Variants in TAOK1 observed in about 807,000 individuals in gnomAD.
TAOK1 encodes serine/threonine-protein kinase TAO1.
TAOK1 carries 21 observed loss-of-function variants against 138.3 expected under a neutral mutation model. The observed-to-expected ratio is 0.15, with a 90% CI of 0.11 to 0.22. The LOEUF (loss-of-function observed/expected upper bound fraction) is 0.22, where lower values mean the gene tolerates loss of function less well. Ranked by LOEUF, TAOK1 falls within the 10% of genes least tolerant of loss-of-function variation. TAOK1 has a pLI of 1.00. For missense variants in TAOK1, 651 were observed against 1,227.7 expected, an observed-to-expected ratio of 0.53 and a Z score of 7.02; for synonymous variants, 361 against 398.4, an observed-to-expected ratio of 0.91 and a Z score of 1.12.
intron 9 of TAOK1, among the ~76,000 whole-genome samples, chr17:29,491,070 T>G (rs2153027590): frequency 6.6e-6 from 1 of 152,278 alleles, no homozygotes; most frequent in Non-Finnish European, 1.5e-5. Context: ...GTAAAAAATA[T>G]ATTGAACACA....
At chr17:29,427,673 T>C (rs1905687150) in intron 1 of TAOK1, among the ~76,000 whole-genome samples, 1 of 151,912 alleles carries the variant, frequency 6.6e-6, no homozygotes, top group African/African-American at 2.4e-5. Context: ...ACGCCTGTAA[T>C]CCCAGCACTT....
intron 18 of TAOK1, chr17:29,530,829 G>T (rs1392653342): frequency 3.4e-6 from 2 of 581,150 alleles, no homozygotes; most frequent in African/African-American, 3.7e-5. Flanking sequence ...TTAGACATGA[G>T]GTTCTAAATA....
In TAOK1 at chr17:29,412,168, G is replaced by A. The variant is rs188466459; in HGVS notation, c.-95+21144G>A. ...AGCGATTCTCCTGCCTCGGCCTCCCGAGTAGCTGGGACTACAGGCATGCGC... is the reference window on the plus strand; with the variant it reads ...AGCGATTCTCCTGCCTCGGCCTCCCAAGTAGCTGGGACTACAGGCATGCGC... On this transcript the variant is annotated intron_variant, in intron 1 of 19. Transcript: ENST00000261716. Among the ~76,000 whole-genome samples the A allele has an allele frequency of 3.9e-5, 6 of 151,946 alleles. No individual in the cohort carries two copies. The East Asian group carries it at 5.8e-4, about 15-fold the overall frequency.
At chr17:29,520,917 G>A (rs35893904) in intron 16 of TAOK1, among the ~76,000 whole-genome samples, 14,990 of 151,722 alleles carry the variant, frequency 0.099, 1,027 homozygotes, top group Non-Finnish European at 0.15. Flanking sequence ...CCAGCTACTC[G>A]GGAGGCTGAG....
intron 8 of TAOK1, 59 bp from the exon 9 acceptor site, chr17:29,489,605 C>A: frequency 1.8e-6 from 2 of 1,100,884 alleles, no homozygotes; most frequent in Non-Finnish European, 1.3e-6. Context: ...GAAAAACGTG[C>A]CCAGGACTTG....
At chr17:29,494,608 C>T (rs1307620030) in intron 10 of TAOK1, among the ~76,000 whole-genome samples, 7 of 152,048 alleles carry the variant, frequency 4.6e-5, no homozygotes, top group Admixed American at 3.9e-4. Context: ...GGGCGGATCA[C>T]GAGGTCAGGA....
chr17:29,518,750 C>CTTTTATTTTATTTATTTA (rs11271070), intron 16 of TAOK1, among the ~76,000 whole-genome samples: 30,353 of 150,326 alleles, frequency 0.2, 3,252 homozygotes, highest in African/African-American at 0.26. Context: ...TTTATTTTTA[C>CTTTTATTTTATTTATTTA]TTTATCTATT....
At chr17:29,514,680 C>T (rs2031781626) in intron 15 of TAOK1, 1 of 151,894 alleles carries the variant, frequency 6.6e-6, no homozygotes. Context: ...AATGCTAATA[C>T]TAGTATATTT....
At position 29,477,693 on chromosome 17, in the gene TAOK1, G is replaced by A. The variant is rs994672387; in HGVS notation, c.339G>A (p.Ser113=). Residue 113 remains serine, a synonymous_variant, in exon 5 of 20, where the codon TCG becomes TCA. Coordinates refer to ENST00000261716, the MANE Select transcript of TAOK1 (RefSeq NM_020791.4). ...TGGAATATTGTTTAGGATCTGCTTC[G>A]GATTTACTAGAAGGTAAGTTCCCTT... ...LVMEYCLGSA[S]DLLEVHKKPL... 8.5e-6 allele frequency: 12 copies of A among 1,407,422 alleles called. No homozygotes were observed. Among genetic ancestry groups the A allele is most frequent in the African/African-American group, 2.9e-5 (2 of 68,480 alleles). 87.2% of individuals were successfully genotyped at this position (1,407,422 alleles called of 1,614,324 possible). A position where few individuals can be genotyped will look rare whatever the true frequency, so the allele number is the denominator to read the frequency against.
intron 8 of TAOK1, among the ~76,000 whole-genome samples, chr17:29,486,163 C>T (rs1421179563): frequency 6.6e-6 from 1 of 151,970 alleles, no homozygotes; most frequent in Non-Finnish European, 1.5e-5. Flanking sequence ...GTGACATGCA[C>T]CTGTAGTCCC....
At chr17:29,399,832 C>T (rs1370970086) in intron 1 of TAOK1, among the ~76,000 whole-genome samples, 1 of 151,968 alleles carries the variant, frequency 6.6e-6, no homozygotes, top group Non-Finnish European at 1.5e-5. Context: ...CTGGACTTAG[C>T]GATCCTCTCA....
chr17:29,390,635 C>G lies in TAOK1; in HGVS notation c.-484C>G, dbSNP rs1297078149. 1 of 151,758 alleles carries G rather than the reference C, an allele frequency of 6.6e-6. No homozygotes were observed. The highest frequency in any genetic ancestry group is 2.4e-5 in the African/African-American group (1 of 41,278). 9.4% of individuals were successfully genotyped at this position (151,758 alleles called of 1,614,324 possible). A position where few individuals can be genotyped will look rare whatever the true frequency, so the allele number is the denominator to read the frequency against. Reference sequence around the variant, plus strand: ...GTGGTGTTGGTGGCGGAGGGCTGCGCGTGGGCCCGCCCGCCGAGGGGCCGC... The same window carrying G: ...GTGGTGTTGGTGGCGGAGGGCTGCGGGTGGGCCCGCCCGCCGAGGGGCCGC... On this transcript the variant is annotated 5_prime_UTR_variant, in exon 1 of 20. Coordinates refer to ENST00000261716, the MANE Select transcript of TAOK1 (RefSeq NM_020791.4).
In TAOK1 at chr17:29,542,748, C is replaced by A; in HGVS notation, c.2732C>A (p.Ser911Ter). ...SHSYPGASGW[S>*]HNPTGGPGPH... ...AGCTACCCGGGAGCTTCTGGTTGGTCACACAACCCTACTGGGGGTCCAGGA... is the reference window on the plus strand; with the variant it reads ...AGCTACCCGGGAGCTTCTGGTTGGTAACACAACCCTACTGGGGGTCCAGGA... The change falls in exon 20 of 20, where the codon TCA (serine) becomes TAA (stop). Residue 911 changes from serine (S) to a stop codon, truncating the protein, a stop_gained. Transcript: ENST00000261716. LOFTEE classifies it high-confidence loss of function. The A allele has an allele frequency of 6.2e-7, 1 of 1,614,232 alleles. No individual in the cohort carries two copies. Among genetic ancestry groups the A allele is most frequent in the South Asian group, 1.1e-5 (1 of 91,082 alleles).
intron 10 of TAOK1, among the ~76,000 whole-genome samples, chr17:29,493,506 A>G (rs2031348384): frequency 6.6e-6 from 1 of 152,060 alleles, no homozygotes; most frequent in Non-Finnish European, 1.5e-5. Context: ...AAAAAAAAAA[A>G]AAGGAAGAAT....
At chr17:29,456,906 T>C (rs1487010909) in intron 2 of TAOK1, among the ~76,000 whole-genome samples, 1 of 148,440 alleles carries the variant, frequency 6.7e-6, no homozygotes, top group Admixed American at 6.6e-5. Flanking sequence ...GCTAATTTTC[T>C]GTATTTTTAA....
At chr17:29,397,199 G>A (rs1020469971) in intron 1 of TAOK1, among the ~76,000 whole-genome samples, 1 of 152,026 alleles carries the variant, frequency 6.6e-6, no homozygotes, top group Non-Finnish European at 1.5e-5. Flanking sequence ...GGAGGCTGAG[G>A]CAGGAGAATC....
At chr17:29,536,901 C>T (rs2032233053) in intron 19 of TAOK1, among the ~76,000 whole-genome samples, 2 of 151,990 alleles carry the variant, frequency 1.3e-5, no homozygotes, top group South Asian at 2.1e-4. Flanking sequence ...AGGGTTTCAC[C>T]GTGTTAGCCA....
chr17:29,550,413 CACTTAAA>C lies in TAOK1; in HGVS notation c.*7398_*7404del, dbSNP rs1598537528. On this transcript the variant is annotated 3_prime_UTR_variant, in exon 20 of 20. Transcript: ENST00000261716. ...GTAAGTCTGCTAAAGTTTTTTAGCC[CACTTAAA>C]ACTTAAGACAACCATTTAAAATAAT... is the stretch of plus-strand genomic sequence containing the variant. The C allele has an allele frequency of 6.6e-6, 1 of 151,844 alleles. No individual in the cohort carries two copies. Among genetic ancestry groups the C allele is most frequent in the Non-Finnish European group, 1.5e-5 (1 of 67,978 alleles). 9.4% of individuals were successfully genotyped at this position (151,844 alleles called of 1,614,324 possible). A position where few individuals can be genotyped will look rare whatever the true frequency, so the allele number is the denominator to read the frequency against.
At chr17:29,455,589 T>G (rs1430615926) in intron 2 of TAOK1, among the ~76,000 whole-genome samples, 1 of 150,488 alleles carries the variant, frequency 6.6e-6, no homozygotes, top group Non-Finnish European at 1.5e-5. Context: ...TACTATTGAG[T>G]ATGGTGTTAG....
Sources: allele counts gnomAD v4.1 joint callset (sites outside exome capture counted in the v4.1 genomes callset), GRCh38; gene constraint gnomAD v4.1.1; transcripts MANE v1.5; gene names NCBI Gene and HGNC (gene_info 2026-07-23, HGNC 2026-07-21).